ARID1B: variants seen among roughly 807,000 people sequenced by gnomAD.
The protein encoded by ARID1B is AT-rich interaction domain 1B, also known as AT-rich interactive domain-containing protein 1B.
A neutral mutation model predicts 212.3 loss-of-function variants in ARID1B; 30 were observed. The ratio of observed to expected loss-of-function variants is 0.14; its 90% CI spans 0.11 to 0.19. The LOEUF is 0.19. Among genes scored for constraint, ARID1B ranks in the 10% least tolerant of loss-of-function variants. The pLI, the probability that ARID1B is intolerant of heterozygous loss-of-function variation, is 1.00. For synonymous variants in ARID1B, 1,402 were observed against 1,301.7 expected, an observed-to-expected ratio of 1.08 and a Z score of -1.66; for missense variants, 2,891 against 3,204.0, an observed-to-expected ratio of 0.90 and a Z score of 2.36.
At chr6:156,934,639 A>G (rs937541744) in intron 3 of ARID1B, among the ~76,000 whole-genome samples, 1 of 152,020 alleles carries the variant, frequency 6.6e-6, no homozygotes, top group Non-Finnish European at 1.5e-5. Flanking sequence ...TTACGCTGTT[A>G]TGTGGGTAAT....
chr6:156,923,621 T>G (rs1178614024), intron 3 of ARID1B, among the ~76,000 whole-genome samples: 1 of 152,152 alleles, frequency 6.6e-6, no homozygotes. Context: ...GATGGTGTGA[T>G]GTAGAATTAT....
At chr6:157,036,188 A>G (rs1309601449) in intron 4 of ARID1B, 1 of 152,284 alleles carries the variant, frequency 6.6e-6, no homozygotes, top group East Asian at 1.9e-4. Flanking sequence ...TTTAAAAAAC[A>G]GTAATTATCA....
chr6:156,860,314 A>G (rs1785238663), intron 2 of ARID1B, among the ~76,000 whole-genome samples: 1 of 150,832 alleles, frequency 6.6e-6, no homozygotes, highest in Non-Finnish European at 1.5e-5. Context: ...TGAATTGTTC[A>G]CATAACTTAT....
At chr6:156,890,042 G>A (rs796295532) in intron 2 of ARID1B, among the ~76,000 whole-genome samples, 15 of 152,150 alleles carry the variant, frequency 9.9e-5, no homozygotes, top group African/African-American at 3.6e-4. Flanking sequence ...TTTAAGAAGT[G>A]TATAAATAAA....
intron 4 of ARID1B, chr6:156,941,401 A>G (rs1426340116): frequency 2.0e-5 from 3 of 152,320 alleles, no homozygotes; most frequent in East Asian, 3.9e-4. Context: ...GGAACATGCA[A>G]TACTTCAGCT....
intron 1 of ARID1B, among the ~76,000 whole-genome samples, chr6:156,826,242 G>A (rs1583111468): frequency 6.6e-6 from 1 of 152,218 alleles, no homozygotes; most frequent in South Asian, 2.1e-4. Context: ...GGTGAGATGG[G>A]TTCCTCCTGG....
chr6:157,206,156 C>T lies in ARID1B; in HGVS notation c.5395-11C>T, dbSNP rs1304292704. On this transcript the variant is annotated splice_polypyrimidine_tract_variant and intron_variant, in intron 19 of 19. Coordinates refer to ENST00000636930, the MANE Select transcript of ARID1B (RefSeq NM_001374828.1). The surrounding 1 kb of genome is among the most constrained non-coding windows in gnomAD (Gnocchi z 6.8). ...CTGTTCTTTCTTTCTTCTCCTCCTC[C>T]TCCTCTCCAGTTGTCTGGATTTCTC... 1.2e-6 allele frequency: 2 copies of T among 1,612,868 alleles called. No homozygotes were observed. The highest frequency in any genetic ancestry group is 3.3e-5 in the Admixed American group (2 of 59,902).
intron 16 of ARID1B, among the ~76,000 whole-genome samples, chr6:157,197,048 G>A (rs768670264): frequency 6.6e-6 from 1 of 152,168 alleles, no homozygotes; most frequent in Non-Finnish European, 1.5e-5. Context: ...TTCCTAAGAT[G>A]ATGGCATAGG....
At chr6:157,146,865 A>C (rs767123860) in intron 7 of ARID1B, among the ~76,000 whole-genome samples, 1 of 152,208 alleles carries the variant, frequency 6.6e-6, no homozygotes, top group Non-Finnish European at 1.5e-5. Context: ...GCATTTATGT[A>C]ATTTCAACAT....
intron 2 of ARID1B, among the ~76,000 whole-genome samples, chr6:156,897,234 C>CTTA: frequency 3.3e-5 from 3 of 91,734 alleles, no homozygotes; most frequent in African/African-American, 1.3e-4. Context: ...TCTTCTTCTT[C>CTTA]TTCTTCTTCT....
rs2128341162 is a variant in ARID1B at position 157,190,656 on chromosome 6, G to C, written c.4231+446G>C. Among the ~76,000 whole-genome samples, 1 of 152,350 alleles carries C rather than the reference G, an allele frequency of 6.6e-6. No individual in the cohort carries two copies. Among genetic ancestry groups the C allele is most frequent in the South Asian group, 2.1e-4 (1 of 4,830 alleles). On this transcript the variant is annotated intron_variant, in intron 15 of 19. Coordinates refer to ENST00000636930, the MANE Select transcript of ARID1B (RefSeq NM_001374828.1). This position sits in a 1 kb window ranked among gnomAD's most constrained non-coding sequence, Gnocchi z 4.6. ...GTGTGCTAGTGTGCGCTGGGCGCTAGCTCGTGGATTGGTAAATCAGAGTCG... is the reference window on the plus strand; with the variant it reads ...GTGTGCTAGTGTGCGCTGGGCGCTACCTCGTGGATTGGTAAATCAGAGTCG...
At chr6:156,922,361 T>A (rs912864381) in intron 3 of ARID1B, among the ~76,000 whole-genome samples, 5 of 151,906 alleles carry the variant, frequency 3.3e-5, no homozygotes, top group African/African-American at 1.2e-4. Flanking sequence ...TTAGTAGAGA[T>A]GGGGTTTCAC....
intron 4 of ARID1B, among the ~76,000 whole-genome samples, chr6:157,064,499 G>A (rs972062633): frequency 2.8e-5 from 4 of 142,922 alleles, no homozygotes; most frequent in Non-Finnish European, 6.1e-5. Context: ...TGTTCCCAGT[G>A]AACAGTGAAG....
chr6:157,037,278 C>A (rs950630281), intron 4 of ARID1B, among the ~76,000 whole-genome samples: 1 of 152,192 alleles, frequency 6.6e-6, no homozygotes, highest in Non-Finnish European at 1.5e-5. Flanking sequence ...TCAGACAGAA[C>A]CCCTACCGTC....
chr6:156,878,326 T>G (rs1786740290), intron 2 of ARID1B, among the ~76,000 whole-genome samples: 1 of 152,062 alleles, frequency 6.6e-6, no homozygotes. Context: ...GCTCACAGAA[T>G]TGCCAGAAGG....
At chr6:156,873,420 T>C (rs1786301705) in intron 2 of ARID1B, among the ~76,000 whole-genome samples, 2 of 152,236 alleles carry the variant, frequency 1.3e-5, no homozygotes, top group South Asian at 4.1e-4. Flanking sequence ...ACTAGTCTTT[T>C]ATTACTTTAA....
chr6:157,115,624 T>C (rs1787276329), intron 6 of ARID1B, among the ~76,000 whole-genome samples: 1 of 152,202 alleles, frequency 6.6e-6, no homozygotes, highest in African/African-American at 2.4e-5. Flanking sequence ...AGATGGGGTT[T>C]CACCATGTTA....
At chr6:156,914,224 C>A (rs1364798583) in intron 3 of ARID1B, among the ~76,000 whole-genome samples, 1 of 152,182 alleles carries the variant, frequency 6.6e-6, no homozygotes, top group Non-Finnish European at 1.5e-5. Flanking sequence ...GTGGTGCCCC[C>A]ATTCCACTCT....
intron 8 of ARID1B, among the ~76,000 whole-genome samples, chr6:157,164,003 C>A (rs1791139127): frequency 6.6e-6 from 1 of 152,224 alleles, no homozygotes; most frequent in African/African-American, 2.4e-5. Flanking sequence ...AATATATGAG[C>A]ATAATTCCAC....
Sources: allele counts gnomAD v4.1 joint callset (sites outside exome capture counted in the v4.1 genomes callset), GRCh38; gene constraint gnomAD v4.1.1; non-coding constraint Gnocchi (gnomAD v3.1); transcripts MANE v1.5; gene names NCBI Gene and HGNC (gene_info 2026-07-23, HGNC 2026-07-21).